Variants in GAB2 observed in about 807,000 individuals in gnomAD.
GAB2 encodes the protein GRB2-associated-binding protein 2.
In GAB2, 26 loss-of-function variants were observed where a neutral mutation model predicts 65.5. That is an observed-to-expected ratio of 0.40 (90% CI 0.29 to 0.55). The LOEUF (loss-of-function observed/expected upper bound fraction) is 0.55, where lower values mean the gene tolerates loss of function less well. Among genes scored for constraint, GAB2 ranks in the 20% least tolerant of loss-of-function variants. GAB2 has a pLI of 0.53. For synonymous variants in GAB2, 321 were observed against 329.6 expected, an observed-to-expected ratio of 0.97 and a Z score of 0.28; for missense variants, 884 against 875.8, an observed-to-expected ratio of 1.01 and a Z score of -0.12.
At chr11:78,341,204 G>A (rs747064483) in intron 1 of GAB2, among the ~76,000 whole-genome samples, 1 of 152,066 alleles carries the variant, frequency 6.6e-6, no homozygotes, top group Non-Finnish European at 1.5e-5. Context: ...TGCTTTTATT[G>A]GATATATTCA....
intron 1 of GAB2, among the ~76,000 whole-genome samples, chr11:78,416,546 T>C (rs1857198430): frequency 6.6e-6 from 1 of 152,120 alleles, no homozygotes; most frequent in Admixed American, 6.5e-5. Context: ...AGGCAACGGC[T>C]CCCTTCCAGG....
chr11:78,314,380 C>T (rs887589604), intron 1 of GAB2, among the ~76,000 whole-genome samples: 1 of 152,184 alleles, frequency 6.6e-6, no homozygotes, highest in Admixed American at 6.5e-5. Flanking sequence ...TTAATACAAC[C>T]ACTTAGGAAG....
chr11:78,374,719 T>C (rs1044420836), intron 1 of GAB2, among the ~76,000 whole-genome samples: 1 of 152,178 alleles, frequency 6.6e-6, no homozygotes, highest in Non-Finnish European at 1.5e-5. Flanking sequence ...ATTTAGTAAG[T>C]AATATAATGG....
intron 1 of GAB2, among the ~76,000 whole-genome samples, chr11:78,296,839 G>C (rs1463771770): frequency 6.6e-6 from 1 of 152,196 alleles, no homozygotes; most frequent in African/African-American, 2.4e-5. Flanking sequence ...CTGGAGGCTG[G>C]AAAGTCCAGG....
At position 78,373,120 on chromosome 11, in the gene GAB2, A is replaced by C. The variant is rs549342787; in HGVS notation, c.75+44526T>G. On this transcript the variant is annotated intron_variant, in intron 1 of 9. Transcript: ENST00000361507. ...AGGGAAGACTGTGAATACTAATATG[A>C]ATAACTTGTATTTCTCTTTTGACAA... 2.4e-4 allele frequency among the ~76,000 whole-genome samples: 37 copies of C among 152,266 alleles called. No individual in the cohort carries two copies. The Middle Eastern group carries it at 0.01, about 42-fold the overall frequency.
intron 1 of GAB2, among the ~76,000 whole-genome samples, chr11:78,289,072 C>A (rs887475992): frequency 6.6e-6 from 1 of 152,158 alleles, no homozygotes; most frequent in African/African-American, 2.4e-5. Context: ...ACAATATGCC[C>A]AACTGATTTT....
chr11:78,273,953 T>C (rs752011508), intron 2 of GAB2, among the ~76,000 whole-genome samples: 2 of 152,214 alleles, frequency 1.3e-5, no homozygotes, highest in African/African-American at 2.4e-5. Context: ...CTTTCTGCCA[T>C]GATTATGAGG....
At chr11:78,275,493 G>A (rs559604668) in intron 2 of GAB2, among the ~76,000 whole-genome samples, 1 of 151,624 alleles carries the variant, frequency 6.6e-6, no homozygotes, top group African/African-American at 2.4e-5. Context: ...AGGTTTTACA[G>A]ATATAATCCA....
intron 6 of GAB2, 151 bp downstream of exon 6, chr11:78,223,261 G>T: frequency 1.7e-6 from 1 of 585,464 alleles, no homozygotes; most frequent in East Asian, 3.2e-5. Flanking sequence ...ATTACCATCT[G>T]CATTTCACAG....
rs1565125957 is a variant in GAB2, at chr11:78,250,251, CAG to C, written c.524_525del (p.Pro175ArgfsTer49). On this transcript the variant is annotated frameshift_variant, in exon 3 of 10. Coordinates refer to ENST00000361507, the MANE Select transcript of GAB2 (RefSeq NM_080491.3). LOFTEE classifies it high-confidence loss of function. The part of the protein sequence containing the change: ...SQPTLFTFEP[P>X]VSNHMQPTLS... Reference sequence around the variant, plus strand: ...AAGGTGGGCTGCATGTGGTTTGACACAGGGGGTTCAAACGTGAACAGAGTTGG... The same window carrying C: ...AAGGTGGGCTGCATGTGGTTTGACACGGGGTTCAAACGTGAACAGAGTTGG... The C allele has an allele frequency of 3.7e-6, 6 of 1,613,444 alleles. No homozygotes were observed. The highest frequency in any genetic ancestry group is 2.2e-5 in the East Asian group (1 of 44,836).
intron 2 of GAB2, among the ~76,000 whole-genome samples, chr11:78,251,700 C>A (rs1323662782): frequency 6.6e-6 from 1 of 152,084 alleles, no homozygotes; most frequent in Non-Finnish European, 1.5e-5. Flanking sequence ...ACTTTTAGAC[C>A]CTACACAGAT....
At chr11:78,346,698 T>C (rs1279179537) in intron 1 of GAB2, among the ~76,000 whole-genome samples, 8 of 93,560 alleles carry the variant, frequency 8.6e-5, no homozygotes, top group African/African-American at 5.2e-4. Flanking sequence ...TATATATATA[T>C]ATATATATAT....
intron 1 of GAB2, among the ~76,000 whole-genome samples, chr11:78,325,971 G>A (rs1012271154): frequency 2.0e-5 from 3 of 152,136 alleles, no homozygotes; most frequent in Non-Finnish European, 4.4e-5. Context: ...ATAGCAAACT[G>A]TAAGTCTTCC....
chr11:78,343,510 A>G (rs1462613096), intron 1 of GAB2, among the ~76,000 whole-genome samples: 1 of 152,178 alleles, frequency 6.6e-6, no homozygotes, highest in African/African-American at 2.4e-5. Context: ...TTTTCAAAAG[A>G]TGGAAATAGA....
At chr11:78,305,950 C>T (rs1489967740) in intron 1 of GAB2, among the ~76,000 whole-genome samples, 4 of 152,150 alleles carry the variant, frequency 2.6e-5, no homozygotes, top group Non-Finnish European at 5.9e-5. Context: ...CCATTTCTGT[C>T]CTTAATCCTT....
intron 2 of GAB2, among the ~76,000 whole-genome samples, chr11:78,263,612 GAC>G (rs1865794687): frequency 6.9e-6 from 1 of 144,766 alleles, no homozygotes; most frequent in Non-Finnish European, 1.5e-5. Context: ...CAACTTGGGC[GAC>G]AGAGTGAGAC....
intron 1 of GAB2, among the ~76,000 whole-genome samples, chr11:78,371,354 G>T (rs140883286): frequency 6.6e-6 from 1 of 152,204 alleles, no homozygotes; most frequent in Non-Finnish European, 1.5e-5. Context: ...GTTGTGAAAC[G>T]CCAAGTAGGT....
At chr11:78,370,064 C>T (rs1010026573) in intron 1 of GAB2, among the ~76,000 whole-genome samples, 5 of 151,468 alleles carry the variant, frequency 3.3e-5, no homozygotes, top group Admixed American at 1.3e-4. Context: ...GAGACCATCC[C>T]GGCTAAAACG....
intron 1 of GAB2, among the ~76,000 whole-genome samples, chr11:78,383,581 C>CAGAAAAAAAA (rs1554997168): frequency 3.6e-5 from 2 of 55,582 alleles, no homozygotes; most frequent in Admixed American, 2.3e-4. Context: ...CCTGTCTCTC[C>CAGAAAAAAAA]AAAAAAAAAA....
Sources: gnomAD v4.1 joint callset for allele counts (sites outside exome capture counted in the v4.1 genomes callset) on GRCh38, gnomAD v4.1.1 for gene constraint, MANE v1.5 for transcripts, NCBI Gene and HGNC (gene_info 2026-07-23, HGNC 2026-07-21) for gene names.